The following GABRB2 variants were observed in gnomAD, a reference collection of about 807,000 sequenced individuals.
GABRB2 encodes gamma-aminobutyric acid type A receptor subunit beta2.
In GABRB2, 16 loss-of-function variants were observed where a neutral mutation model predicts 54.7. That is an observed-to-expected ratio of 0.29 (90% confidence interval 0.20 to 0.44). The LOEUF is 0.44. GABRB2 is among the 20% of genes least tolerant of loss of function. GABRB2 has a pLI of 1.00. For missense variants in GABRB2, 355 were observed against 644.0 expected (o/e 0.55, Z 4.86); for synonymous variants, 244 against 233.8 (o/e 1.04, Z -0.40).
intron 3 of GABRB2, among the ~76,000 whole-genome samples, chr5:161,544,207 AT>A (rs1187657735): frequency 2.0e-5 from 3 of 152,216 alleles, no homozygotes; most frequent in African/African-American, 4.8e-5. Flanking sequence ...TTATTTAATA[AT>A]TAATCCAATT....
At chr5:161,298,761 T>C (rs1006574254) in intron 9 of GABRB2, among the ~76,000 whole-genome samples, 1 of 152,164 alleles carries the variant, frequency 6.6e-6, no homozygotes, top group African/African-American at 2.4e-5. Flanking sequence ...TTTTTAACCC[T>C]AGAGAAAGGA....
At chr5:161,378,723 G>A (rs1023023429) in intron 5 of GABRB2, among the ~76,000 whole-genome samples, 9 of 137,970 alleles carry the variant, frequency 6.5e-5, no homozygotes, top group African/African-American at 2.3e-4. Context: ...CAATTACTTG[G>A]TTTGAAAGTT....
intron 9 of GABRB2, among the ~76,000 whole-genome samples, chr5:161,311,363 G>A (rs148870334): frequency 2.0e-5 from 3 of 151,810 alleles, no homozygotes; most frequent in South Asian, 4.1e-4. Flanking sequence ...AGCTTCACAC[G>A]CAATCTGTGA....
intron 8 of GABRB2, among the ~76,000 whole-genome samples, chr5:161,328,209 A>C (rs1363413722): frequency 6.6e-6 from 1 of 152,230 alleles, no homozygotes. Flanking sequence ...CTGTCTAAAC[A>C]ATACACTGCT....
rs75727885 is a variant in GABRB2 at position 161,430,605 on chromosome 5, G to A, written c.459-19548C>T. Among the ~76,000 whole-genome samples, 169 of 152,212 alleles carry A rather than the reference G, an allele frequency of 1.1e-3. 3 individuals carry two copies. The East Asian group carries it at 0.03, about 27-fold the overall frequency. ...GTTGCTGTCAGGATAACATGGAATT[G>A]GATAGCTTGATAACATGCTATCATG... is the stretch of plus-strand genomic sequence containing the variant. On this transcript the variant is annotated intron_variant, in intron 4 of 9. Coordinates refer to ENST00000393959, the MANE Select transcript of GABRB2 (RefSeq NM_001371727.1).
intron 9 of GABRB2, among the ~76,000 whole-genome samples, chr5:161,314,348 A>G (rs72813510): frequency 0.064 from 9,722 of 152,204 alleles, 397 homozygotes; most frequent in Middle Eastern, 0.071. Flanking sequence ...AATTTTCTGC[A>G]GTAGAAGCTA....
At chr5:161,382,266 A>G (rs1468253718) in intron 5 of GABRB2, among the ~76,000 whole-genome samples, 1 of 152,184 alleles carries the variant, frequency 6.6e-6, no homozygotes, top group Non-Finnish European at 1.5e-5. Flanking sequence ...CCAACTGGAA[A>G]GTCTGGAGAG....
intron 3 of GABRB2, among the ~76,000 whole-genome samples, chr5:161,483,184 A>C (rs1304557413): frequency 2.0e-5 from 3 of 152,032 alleles, no homozygotes; most frequent in Non-Finnish European, 2.9e-5. Context: ...ACACACCTTG[A>C]GACGTGATAA....
At chr5:161,341,308 T>A (rs970142387) in intron 5 of GABRB2, among the ~76,000 whole-genome samples, 2 of 151,878 alleles carry the variant, frequency 1.3e-5, no homozygotes, top group African/African-American at 4.8e-5. Flanking sequence ...AAAAAAAAAA[T>A]TAGATTTCTT....
intron 4 of GABRB2, among the ~76,000 whole-genome samples, chr5:161,426,079 G>A (rs1405629921): frequency 6.6e-6 from 1 of 152,052 alleles, no homozygotes; most frequent in Non-Finnish European, 1.5e-5. Flanking sequence ...GTGAGGAGTG[G>A]GAGCACAGTG....
intron 5 of GABRB2, among the ~76,000 whole-genome samples, chr5:161,392,862 A>T (rs1015597955): frequency 2.0e-5 from 3 of 152,180 alleles, no homozygotes; most frequent in African/African-American, 4.8e-5. Flanking sequence ...GAGTAAATTC[A>T]TAAAAAAATT....
At chr5:161,544,523 T>G (rs1431545723) in intron 3 of GABRB2, among the ~76,000 whole-genome samples, 9 of 152,190 alleles carry the variant, frequency 5.9e-5, no homozygotes, top group Non-Finnish European at 1.5e-5. Context: ...GGCTTTTTCC[T>G]CTTAACACTT....
In GABRB2 at chr5:161,463,244, A is replaced by G. The variant is rs973062432; in HGVS notation, c.238-3400T>C. 2.0e-5 allele frequency among the ~76,000 whole-genome samples: 3 copies of G among 151,494 alleles called. No homozygotes were observed. In the Admixed American group the frequency reaches 2.0e-4, roughly 10 times the overall value. On this transcript the variant is annotated intron_variant, in intron 3 of 9. Transcript: ENST00000393959. ...TAATCAAAGTGTGAGAAATACTACT[A>G]TAAGAGTGAGTTTCTCGATTATTTT...
At chr5:161,544,250 C>T (rs1760903054) in intron 3 of GABRB2, among the ~76,000 whole-genome samples, 1 of 152,186 alleles carries the variant, frequency 6.6e-6, no homozygotes, top group Non-Finnish European at 1.5e-5. Context: ...ACACAACCTT[C>T]TGAAACGTGC....
At chr5:161,478,855 C>T (rs1174766511) in intron 3 of GABRB2, among the ~76,000 whole-genome samples, 3 of 152,018 alleles carry the variant, frequency 2.0e-5, no homozygotes, top group Non-Finnish European at 4.4e-5. Context: ...ACAAAAAGTG[C>T]TATGTAGATC....
At chr5:161,351,328 A>T (rs957807038) in intron 5 of GABRB2, among the ~76,000 whole-genome samples, 1 of 152,160 alleles carries the variant, frequency 6.6e-6, no homozygotes, top group Non-Finnish European at 1.5e-5. Flanking sequence ...TCAAAATAGC[A>T]TGGTACTGGC....
intron 5 of GABRB2, among the ~76,000 whole-genome samples, chr5:161,348,583 C>A (rs1754382996): frequency 6.6e-6 from 1 of 152,008 alleles, no homozygotes; most frequent in Non-Finnish European, 1.5e-5. Flanking sequence ...GTCTCCGAAA[C>A]CCCCAAGTGT....
At chr5:161,313,680 G>A (rs1250718508) in intron 9 of GABRB2, among the ~76,000 whole-genome samples, 1 of 152,172 alleles carries the variant, frequency 6.6e-6, no homozygotes, top group Non-Finnish European at 1.5e-5. Context: ...CCAAATGGCA[G>A]CTGCTGTTCC....
chr5:161,329,269 C>T (rs1753759961), intron 8 of GABRB2, among the ~76,000 whole-genome samples: 1 of 152,124 alleles, frequency 6.6e-6, no homozygotes, highest in Non-Finnish European at 1.5e-5. Context: ...TTATTCTCTT[C>T]TCTTCTCTAA....
Sources: gnomAD v4.1 joint callset for allele counts (sites outside exome capture counted in the v4.1 genomes callset) on GRCh38, gnomAD v4.1.1 for gene constraint, MANE v1.5 for transcripts, NCBI Gene and HGNC (gene_info 2026-07-23, HGNC 2026-07-21) for gene names.